The following RFC3 variants were observed in gnomAD, a reference collection of about 807,000 sequenced individuals.
RFC3 encodes the protein A1 38 kDa subunit.
RFC3 carries 41 observed loss-of-function variants against 45.1 expected under a neutral mutation model. The observed-to-expected ratio is 0.91, with a 90% CI of 0.71 to 1.18. RFC3 has a LOEUF of 1.18. Among genes scored for constraint, RFC3 ranks in the 50% most tolerant of loss-of-function variants. The pLI is 0.00. For missense variants in RFC3, 423 were observed against 428.1 expected (o/e 0.99, Z 0.10); for synonymous variants, 149 against 144.0 (o/e 1.03, Z -0.25).
chr13:33,851,773 T>A (rs9805579), intron 8 of RFC3, among the ~76,000 whole-genome samples: 1 of 152,130 alleles, frequency 6.6e-6, no homozygotes, highest in African/African-American at 2.4e-5. Context: ...CACACACATA[T>A]GATCCAATTC....
intron 8 of RFC3, among the ~76,000 whole-genome samples, chr13:33,907,602 A>G (rs2137688599): frequency 6.6e-6 from 1 of 152,154 alleles, no homozygotes; most frequent in East Asian, 1.9e-4. Context: ...AGAAGAACAG[A>G]ATTAAAATTG....
chr13:33,915,454 A>G (rs533340643), intron 8 of RFC3, among the ~76,000 whole-genome samples: 12 of 152,294 alleles, frequency 7.9e-5, no homozygotes, highest in African/African-American at 2.6e-4. Flanking sequence ...TTTGCATGCT[A>G]TAATTATTAT....
intron 8 of RFC3, among the ~76,000 whole-genome samples, chr13:33,894,449 A>C (rs2082584295): frequency 1.3e-5 from 2 of 152,300 alleles, no homozygotes; most frequent in African/African-American, 4.8e-5. Context: ...TCATAGGTTG[A>C]GAGAAGCTTC....
At chr13:33,918,149 G>A (rs1312693871) in intron 8 of RFC3, among the ~76,000 whole-genome samples, 1 of 152,122 alleles carries the variant, frequency 6.6e-6, no homozygotes, top group Non-Finnish European at 1.5e-5. Context: ...GGTCCTTGTG[G>A]CTCTGTTCTT....
At chr13:33,959,917 C>T (rs2083045660) in intron 8 of RFC3, among the ~76,000 whole-genome samples, 1 of 152,152 alleles carries the variant, frequency 6.6e-6, no homozygotes, top group Non-Finnish European at 1.5e-5. Flanking sequence ...CTTCTGGGGA[C>T]AGCTCAGGAA....
intron 8 of RFC3, among the ~76,000 whole-genome samples, chr13:33,860,346 ACACT>A (rs771399590): frequency 6.6e-6 from 1 of 152,030 alleles, no homozygotes; most frequent in Non-Finnish European, 1.5e-5. Flanking sequence ...TGGCCACCAC[ACACT>A]CACTTGCTTG....
intron 1 of RFC3, among the ~76,000 whole-genome samples, chr13:33,818,985 G>A (rs1291668098): frequency 6.6e-6 from 1 of 150,508 alleles, no homozygotes; most frequent in East Asian, 2.0e-4. Flanking sequence ...CCGCCTCACG[G>A]GTTCAAGCGA....
intron 8 of RFC3, among the ~76,000 whole-genome samples, chr13:33,963,846 G>C (rs539932522): frequency 6.6e-6 from 1 of 152,260 alleles, no homozygotes; most frequent in African/African-American, 2.4e-5. Flanking sequence ...CACCAAAGAG[G>C]AAATAAACCA....
chr13:33,942,740 G>A (rs2082932504), intron 8 of RFC3, among the ~76,000 whole-genome samples: 1 of 152,066 alleles, frequency 6.6e-6, no homozygotes, highest in Non-Finnish European at 1.5e-5. Context: ...TTGAATGATA[G>A]GGTAATTAAC....
intron 8 of RFC3, among the ~76,000 whole-genome samples, chr13:33,899,892 A>G (rs1261240536): frequency 1.3e-5 from 2 of 151,960 alleles, no homozygotes; most frequent in Non-Finnish European, 2.9e-5. Flanking sequence ...ATGGCAAACA[A>G]TCTGAAAAAT....
At chr13:33,937,613 A>T (rs1453728081) in intron 8 of RFC3, among the ~76,000 whole-genome samples, 1 of 152,154 alleles carries the variant, frequency 6.6e-6, no homozygotes, top group East Asian at 1.9e-4. Context: ...TCCTGTGCAC[A>T]ATTACCATGT....
downstream of RFC3, among the ~76,000 whole-genome samples, chr13:33,841,262 C>T (rs1273164236): frequency 6.6e-6 from 1 of 152,160 alleles, no homozygotes; most frequent in African/African-American, 2.4e-5. Context: ...CAAAACTGGT[C>T]CCTGGTGCTA....
intron 8 of RFC3, among the ~76,000 whole-genome samples, chr13:33,904,317 T>C (rs1299364039): frequency 6.6e-6 from 1 of 152,054 alleles, no homozygotes; most frequent in Non-Finnish European, 1.5e-5. Flanking sequence ...TTCTTCCTAA[T>C]GGCACCACTC....
At chr13:33,953,318 G>T (rs1468239173) in intron 8 of RFC3, among the ~76,000 whole-genome samples, 2 of 80,354 alleles carry the variant, frequency 2.5e-5, no homozygotes, top group African/African-American at 9.7e-5. Context: ...GTGTGGTGTT[G>T]CTCTTTAAAA....
At chr13:33,950,868 TCCTCTAATTTGGTATTCAC>T (rs1327487485) in intron 8 of RFC3, among the ~76,000 whole-genome samples, 115 of 152,068 alleles carry the variant, frequency 7.6e-4, no homozygotes, top group African/African-American at 2.8e-3. Context: ...CCCAATTTCC[TCCTCTAATTTGGTATTCAC>T]CATAAGCTCT....
At position 33,829,885 on chromosome 13, in the gene RFC3, C is replaced by G; in HGVS notation, c.441C>G (p.Ala147=). 1 of 1,614,080 alleles carries G rather than the reference C, an allele frequency of 6.2e-7. No individual in the cohort carries two copies. Among genetic ancestry groups the G allele is most frequent in the Non-Finnish European group, 8.5e-7 (1 of 1,179,932 alleles). The change falls in exon 5 of 9, where the codon GCC becomes GCG. Residue 147 remains alanine, a synonymous_variant. Coordinates refer to ENST00000380071, the MANE Select transcript of RFC3 (RefSeq NM_002915.4). The part of the protein sequence containing the change: ...VDKLTKDAQH[A]LRRTMEKYMS... ...AACTCACCAAAGATGCTCAGCATGC[C>G]TTGCGAAGAACCATGGAAAAATATA...
At chr13:33,943,151 G>A (rs182241288) in intron 8 of RFC3, among the ~76,000 whole-genome samples, 368 of 152,200 alleles carry the variant, frequency 2.4e-3, no homozygotes, top group Non-Finnish European at 2.9e-3. Context: ...ATTTTTCATT[G>A]ATGGGCAGGG....
chr13:33,825,809 G>T lies in RFC3; in HGVS notation c.314G>T (p.Arg105Leu), dbSNP rs146557081. 6.3e-7 allele frequency: 1 copy of T among 1,597,960 alleles called. No individual in the cohort carries two copies. The highest frequency in any genetic ancestry group is 1.7e-5 in the Admixed American group (1 of 58,090). ...VNPSDAGNSD[R>L]VVIQEMLKTV... ...TGTAGTGATGCTGGAAATAGTGACC[G>T]AGTAGTCATTCAGGAGATGTTGAAA... Residue 105 changes from arginine (R) to leucine (L), a missense_variant, in exon 4 of 9, where the codon CGA (arginine) becomes CTA (leucine). Physicochemically the swap from Arg to Leu is moderately radical, Grantham distance 102. Coordinates refer to ENST00000380071, the MANE Select transcript of RFC3 (RefSeq NM_002915.4).
At chr13:33,946,782 T>C (rs962721924) in intron 8 of RFC3, among the ~76,000 whole-genome samples, 1 of 152,218 alleles carries the variant, frequency 6.6e-6, no homozygotes, top group Non-Finnish European at 1.5e-5. Context: ...ATATTATGGA[T>C]ATTATTCTTT....
Sources: allele counts gnomAD v4.1 joint callset (sites outside exome capture counted in the v4.1 genomes callset), GRCh38; gene constraint gnomAD v4.1.1; transcripts MANE v1.5; gene names NCBI Gene and HGNC (gene_info 2026-07-23, HGNC 2026-07-21).